BIRC6: variants seen among roughly 807,000 people sequenced by gnomAD.
BIRC6 encodes baculoviral IAP repeat containing 6.
Under a neutral mutation model 503.3 loss-of-function variants are expected in BIRC6, and 98 were observed. The ratio of observed to expected loss-of-function variants is 0.19; its 90% CI spans 0.17 to 0.23. The LOEUF is 0.23. Among genes scored for constraint, BIRC6 ranks in the 10% least tolerant of loss-of-function variants. BIRC6 has a pLI of 1.00. For missense variants in BIRC6, 5,360 were observed against 5,806.0 expected (o/e 0.92, Z 2.50); for synonymous variants, 2,240 against 2,078.7 (o/e 1.08, Z -2.11).
chr2:32,452,358 T>C (rs1456469460), intron 22 of BIRC6, among the ~76,000 whole-genome samples: 1 of 152,148 alleles, frequency 6.6e-6, no homozygotes, highest in African/African-American at 2.4e-5. Context: ...ATTTTAACAT[T>C]TAATGGGTTT....
intron 50 of BIRC6, among the ~76,000 whole-genome samples, chr2:32,505,641 T>G: frequency 6.6e-6 from 1 of 152,214 alleles, no homozygotes; most frequent in Non-Finnish European, 1.5e-5. Context: ...AATAATATTA[T>G]ATTTTGACTA....
intron 3 of BIRC6, among the ~76,000 whole-genome samples, chr2:32,383,128 G>A (rs1388532502): frequency 6.7e-6 from 1 of 148,640 alleles, no homozygotes; most frequent in African/African-American, 2.5e-5. Flanking sequence ...CTCACTGCAA[G>A]TTCCACCTCC....
At chr2:32,514,518 A>G (rs1041852495) in intron 54 of BIRC6, among the ~76,000 whole-genome samples, 6 of 152,164 alleles carry the variant, frequency 3.9e-5, no homozygotes, top group African/African-American at 9.7e-5. Context: ...AAGTAGGCCT[A>G]TTGTTCTCTG....
chr2:32,539,968 T>G (rs1324864844), intron 61 of BIRC6, among the ~76,000 whole-genome samples: 1 of 152,102 alleles, frequency 6.6e-6, no homozygotes, highest in East Asian at 1.9e-4. Context: ...AAGCACATTA[T>G]TATAATTTCT....
At chr2:32,599,021 CAAAAAAAAA>C (rs35744882) in intron 69 of BIRC6, among the ~76,000 whole-genome samples, 3 of 27,812 alleles carry the variant, frequency 1.1e-4, no homozygotes, top group African/African-American at 4.6e-4. Flanking sequence ...AACTCCATCT[CAAAAAAAAA>C]AAAAAAAAAA....
intron 71 of BIRC6, among the ~76,000 whole-genome samples, chr2:32,605,309 G>A (rs568450696): frequency 1.3e-5 from 2 of 152,244 alleles, no homozygotes; most frequent in South Asian, 2.1e-4. Context: ...AAAATACGCC[G>A]TGAATCTAAA....
At chr2:32,609,784 A>G (rs1377062349) in intron 72 of BIRC6, among the ~76,000 whole-genome samples, 2 of 151,840 alleles carry the variant, frequency 1.3e-5, no homozygotes, top group Non-Finnish European at 2.9e-5. Context: ...TGTTTTATGC[A>G]TATCATTTTT....
chr2:32,458,080 TTTACTGGTGATTTAAAGG>T (rs1489083855), intron 23 of BIRC6, among the ~76,000 whole-genome samples: 17 of 152,322 alleles, frequency 1.1e-4, no homozygotes, highest in African/African-American at 4.1e-4. Context: ...ACTAGTTATT[TTTACTGGTGATTTAAAGG>T]TAATCTTTCC....
intron 59 of BIRC6, chr2:32,528,625 C>T (rs1191273016): frequency 6.6e-6 from 1 of 152,134 alleles, no homozygotes; most frequent in Non-Finnish European, 1.5e-5. Context: ...AATGGTATGT[C>T]ATATTTTTAC....
intron 4 of BIRC6, among the ~76,000 whole-genome samples, chr2:32,390,004 CAT>C (rs151062481): frequency 0.011 from 1,596 of 151,870 alleles, 20 homozygotes; most frequent in African/African-American, 0.035. Context: ...GGATTACAGA[CAT>C]GTGCCACCAT....
At chr2:32,396,566 AG>A (rs1402469171) in intron 6 of BIRC6, among the ~76,000 whole-genome samples, 3 of 152,166 alleles carry the variant, frequency 2.0e-5, no homozygotes, top group African/African-American at 7.2e-5. Context: ...CCTTATTTGC[AG>A]GGCATGCATT....
chr2:32,407,809 C>T (rs2041406603), intron 9 of BIRC6, among the ~76,000 whole-genome samples: 1 of 151,848 alleles, frequency 6.6e-6, no homozygotes, highest in Non-Finnish European at 1.5e-5. Context: ...CAGGAAAATG[C>T]CCTTAAAAAT....
At chr2:32,473,706 C>CGTGTGTGTGTGTGTGT (rs70938348) in intron 33 of BIRC6, among the ~76,000 whole-genome samples, 2 of 72,670 alleles carry the variant, frequency 2.8e-5, no homozygotes, top group African/African-American at 5.5e-5. Flanking sequence ...TCTCCTTTTT[C>CGTGTGTGTGTGTGTGT]GTGTGTGTGT....
intron 44 of BIRC6, 125 bp downstream of exon 44, chr2:32,491,683 A>C: frequency 9.3e-7 from 1 of 1,069,918 alleles, no homozygotes; most frequent in Non-Finnish European, 1.3e-6. Flanking sequence ...CAATATAATA[A>C]AAAAGGTTTT....
intron 65 of BIRC6, among the ~76,000 whole-genome samples, chr2:32,554,811 T>A (rs2058666188): frequency 6.6e-6 from 1 of 152,100 alleles, no homozygotes; most frequent in Non-Finnish European, 1.5e-5. Context: ...ATTTCATAAG[T>A]ATACTGTTTG....
chr2:32,577,744 A>G (rs2151082246), intron 66 of BIRC6, among the ~76,000 whole-genome samples: 1 of 152,326 alleles, frequency 6.6e-6, no homozygotes, highest in East Asian at 1.9e-4. Flanking sequence ...ATAAAAATAC[A>G]CCAGTTAATT....
At chr2:32,390,202 G>C (rs954445410) in intron 4 of BIRC6, among the ~76,000 whole-genome samples, 1 of 147,844 alleles carries the variant, frequency 6.8e-6, no homozygotes, top group Non-Finnish European at 1.5e-5. Flanking sequence ...ATGGAGTCTC[G>C]CTCTGTTGCC....
At chr2:32,562,495 C>A (rs983263700) in intron 65 of BIRC6, among the ~76,000 whole-genome samples, 2 of 152,158 alleles carry the variant, frequency 1.3e-5, no homozygotes, top group African/African-American at 4.8e-5. Flanking sequence ...TCTTTATGTT[C>A]TACAGTTGTG....
chr2:32,392,271 T>A, intron 5 of BIRC6, 121 bp downstream of exon 5: 1 of 669,614 alleles, frequency 1.5e-6, no homozygotes, highest in Non-Finnish European at 2.5e-6. Context: ...CTTGCTTGTA[T>A]GCATGGATGC....
Sources: gnomAD v4.1 joint callset for allele counts (sites outside exome capture counted in the v4.1 genomes callset) on GRCh38, gnomAD v4.1.1 for gene constraint, MANE v1.5 for transcripts, NCBI Gene and HGNC (gene_info 2026-07-23, HGNC 2026-07-21) for gene names.